The following NPHP1 variants were observed in gnomAD, a reference collection of about 807,000 sequenced individuals.
NPHP1 encodes nephrocystin 1, also known as nephrocystin-1.
In NPHP1, 70 loss-of-function variants were observed where a neutral mutation model predicts 90.4. That is an observed-to-expected ratio of 0.77 (90% CI 0.64 to 0.95). The LOEUF (loss-of-function observed/expected upper bound fraction) is 0.95. NPHP1 is among the 40% of genes least tolerant of loss of function. The pLI is 0.00. For synonymous variants in NPHP1, 256 were observed against 271.7 expected, an observed-to-expected ratio of 0.94 and a Z score of 0.57; for missense variants, 764 against 795.9, an observed-to-expected ratio of 0.96 and a Z score of 0.48.
At chr2:110,184,278 A>G (rs376903829) in intron 2 of NPHP1, 35 of 592,438 alleles carry the variant, frequency 5.9e-5, no homozygotes, top group African/African-American at 5.1e-4. Flanking sequence ...CTGCTATCTC[A>G]CGGAGCATGG....
Position 110,161,605 on chromosome 2 carries a change from T to A in NPHP1, c.952A>T (p.Thr318Ser). 1 of 1,593,754 alleles carries A rather than the reference T, an allele frequency of 6.3e-7. No individual in the cohort carries two copies. The highest frequency in any genetic ancestry group is 8.6e-7 in the Non-Finnish European group (1 of 1,161,988). The change falls in exon 10 of 20, where the codon ACT (threonine) becomes TCT (serine). Residue 318 changes from threonine (T) to serine (S), a missense_variant and splice_region_variant. Thr to Ser is a moderately conservative substitution (Grantham distance 58, BLOSUM62 1). Transcript: ENST00000445609. ...RDLMWDATEG[T>S]IRSRPSRISL... ...TTACTGATAGTAACTATACTTACAG[T>A]GCCTTCTGTAGCATCCCACATCAGA...
intron 16 of NPHP1, among the ~76,000 whole-genome samples, chr2:110,134,586 A>G (rs1481324596): frequency 1.3e-5 from 2 of 151,996 alleles, no homozygotes; most frequent in East Asian, 3.8e-4. Flanking sequence ...AAAATCCTCA[A>G]CAAAATACTA....
Position 110,132,201 on chromosome 2 carries a change from A to C in NPHP1, c.1530-410T>G, listed in dbSNP as rs577784059. The stretch of plus-strand genomic sequence containing the variant: ...GGCTGTTCACAGTACTGGGTGGAAC[A>C]TGGGAGGGTGTGACAGACCTGGAAT... On this transcript the variant is annotated intron_variant, in intron 16 of 19. Coordinates refer to ENST00000445609, the MANE Select transcript of NPHP1 (RefSeq NM_001128178.3). Among the ~76,000 whole-genome samples, 11 of 152,324 alleles carry C rather than the reference A, an allele frequency of 7.2e-5. No homozygotes were observed. The East Asian group carries it at 2.1e-3, about 29-fold the overall frequency.
intron 2 of NPHP1, among the ~76,000 whole-genome samples, chr2:110,182,916 C>T (rs1045722553): frequency 2.0e-5 from 3 of 151,984 alleles, no homozygotes; most frequent in Non-Finnish European, 4.4e-5. Context: ...TTTGCAAAGA[C>T]ACACATAGGT....
intron 2 of NPHP1, chr2:110,184,476 A>G (rs776101980): frequency 2.3e-5 from 19 of 825,696 alleles, no homozygotes; most frequent in Admixed American, 4.5e-5. Flanking sequence ...TTTCATCTCC[A>G]TGTAAGCTGT....
chr2:110,136,410 A>G (rs1226904885), intron 16 of NPHP1, among the ~76,000 whole-genome samples: 30 of 152,148 alleles, frequency 2.0e-4, no homozygotes, highest in Non-Finnish European at 3.8e-4. Context: ...ACATGATTGT[A>G]TATCTAGAAA....
intron 2 of NPHP1, among the ~76,000 whole-genome samples, chr2:110,200,225 A>G (rs2104709830): frequency 6.6e-6 from 1 of 151,830 alleles, no homozygotes; most frequent in Non-Finnish European, 1.5e-5. Context: ...ACTGCACTCC[A>G]GCCTGGGCGA....
At chr2:110,159,190 G>C (rs1682125901) in intron 11 of NPHP1, among the ~76,000 whole-genome samples, 2 of 151,804 alleles carry the variant, frequency 1.3e-5, no homozygotes, top group Admixed American at 1.3e-4. Context: ...ATAATATTTT[G>C]TTTAGAATTT....
At chr2:110,170,953 A>C (rs1339788093) in intron 4 of NPHP1, among the ~76,000 whole-genome samples, 4 of 152,154 alleles carry the variant, frequency 2.6e-5, no homozygotes, top group African/African-American at 9.6e-5. Context: ...AATGTAGCCC[A>C]GGTGAGCTTT....
chr2:110,190,565 C>T (rs1574189008), intron 2 of NPHP1, among the ~76,000 whole-genome samples: 2 of 152,208 alleles, frequency 1.3e-5, no homozygotes, highest in South Asian at 2.1e-4. Context: ...GGTTCCCACC[C>T]GCGCCTCTCC....
chr2:110,182,028 G>A (rs1472664716), intron 2 of NPHP1, among the ~76,000 whole-genome samples: 1 of 152,076 alleles, frequency 6.6e-6, no homozygotes. Context: ...GCAGAGGAAA[G>A]AATCTCAGAG....
intron 6 of NPHP1, among the ~76,000 whole-genome samples, chr2:110,167,608 A>G (rs1682807723): frequency 6.6e-6 from 1 of 152,136 alleles, no homozygotes; most frequent in South Asian, 2.1e-4. Context: ...GGTAAATGCA[A>G]GGAAAGTGTT....
intron 13 of NPHP1, among the ~76,000 whole-genome samples, chr2:110,147,273 T>TG (rs1262809007): frequency 6.6e-6 from 1 of 152,016 alleles, no homozygotes; most frequent in Non-Finnish European, 1.5e-5. Context: ...AGGCTTCCTT[T>TG]GGGGGGCCTG....
At chr2:110,151,614 A>C (rs1681476605) in intron 11 of NPHP1, among the ~76,000 whole-genome samples, 1 of 152,128 alleles carries the variant, frequency 6.6e-6, no homozygotes, top group African/African-American at 2.4e-5. Context: ...ATATAGGAGT[A>C]TTTTATGGGC....
At chr2:110,166,573 C>G (rs1682743742) in intron 6 of NPHP1, among the ~76,000 whole-genome samples, 1 of 152,150 alleles carries the variant, frequency 6.6e-6, no homozygotes, top group Non-Finnish European at 1.5e-5. Flanking sequence ...CAGCAGCTGA[C>G]TTAAAACTAA....
intron 2 of NPHP1, among the ~76,000 whole-genome samples, chr2:110,186,214 A>G (rs1684274177): frequency 6.6e-6 from 1 of 152,206 alleles, no homozygotes. Context: ...CTGCCATAGA[A>G]TCAACAGGCT....
chr2:110,159,136 G>C (rs1210124036), intron 11 of NPHP1, among the ~76,000 whole-genome samples: 4 of 152,028 alleles, frequency 2.6e-5, no homozygotes, highest in Non-Finnish European at 5.9e-5. Flanking sequence ...ACCCCAATTG[G>C]TTATGACATA....
rs1052995955 is a variant in NPHP1 at position 110,179,611 on chromosome 2, C to A, written c.204+13G>T. On this transcript the variant is annotated intron_variant, in intron 3 of 19. Transcript: ENST00000445609. ...AGAGATGTTTTAATAATGTGATTAA[C>A]CTCAATACTTACTTTGCTTAATTTT... 16 of 1,225,422 alleles carry A rather than the reference C, an allele frequency of 1.3e-5. No individual in the cohort carries two copies. The highest frequency in any genetic ancestry group is 1.8e-5 in the Non-Finnish European group (15 of 832,410). 75.9% of individuals were successfully genotyped at this position (1,225,422 alleles called of 1,614,324 possible).
intron 11 of NPHP1, among the ~76,000 whole-genome samples, chr2:110,151,221 T>C (rs935276492): frequency 5.3e-5 from 8 of 151,508 alleles, no homozygotes; most frequent in African/African-American, 1.7e-4. Flanking sequence ...CACATGCAGT[T>C]CATTACTCTG....
Sources: allele counts gnomAD v4.1 joint callset (sites outside exome capture counted in the v4.1 genomes callset), GRCh38; gene constraint gnomAD v4.1.1; transcripts MANE v1.5; gene names NCBI Gene and HGNC (gene_info 2026-07-23, HGNC 2026-07-21).